ACOXL: variants seen among roughly 807,000 people sequenced by gnomAD.
ACOXL encodes acyl-CoA oxidase like, also known as acyl-coenzyme A oxidase-like protein.
A neutral mutation model predicts 71.9 loss-of-function variants in ACOXL; 70 were observed. That is an observed-to-expected ratio of 0.97 (90% confidence interval 0.80 to 1.19). The LOEUF is 1.19. ACOXL is among the 50% of genes most tolerant of loss of function. The pLI is 0.00. For synonymous variants in ACOXL, 253 were observed against 281.6 expected (o/e 0.90, Z 1.02); for missense variants, 703 against 736.3 (o/e 0.95, Z 0.52).
chr2:110,883,319 AGGCT>A, intron 10 of ACOXL, among the ~76,000 whole-genome samples: 1 of 152,076 alleles, frequency 6.6e-6, no homozygotes, highest in South Asian at 2.1e-4. Flanking sequence ...CATGTTGGCC[AGGCT>A]GGTCTCAAAC....
intron 2 of ACOXL, among the ~76,000 whole-genome samples, chr2:110,772,499 A>G (rs1214190779): frequency 1.3e-5 from 2 of 152,012 alleles, no homozygotes; most frequent in Non-Finnish European, 2.9e-5. Flanking sequence ...GCATCTCAAC[A>G]TTACCTTTCC....
chr2:110,793,672 T>G lies in ACOXL; in HGVS notation c.182T>G (p.Phe61Cys). 6.2e-7 allele frequency: 1 copy of G among 1,614,160 alleles called. No homozygotes were observed. Among genetic ancestry groups the G allele is most frequent in the Non-Finnish European group, 8.5e-7 (1 of 1,180,000 alleles). ...GVKCGIIYWL[F>C]GGAIRNLGSP... ...CAGTGCGGAATAATTTATTGGCTATTTGGTGGTGCTATCAGGAATCTCGGA... is the reference window on the plus strand; with the variant it reads ...CAGTGCGGAATAATTTATTGGCTATGTGGTGGTGCTATCAGGAATCTCGGA... The change falls in exon 4 of 18, where the codon TTT becomes TGT. Residue 61 changes from phenylalanine (F) to cysteine (C), a missense_variant. Coordinates refer to ENST00000439055, the MANE Select transcript of ACOXL (RefSeq NM_001142807.4).
chr2:111,018,735 C>T (rs2064594483), intron 14 of ACOXL, among the ~76,000 whole-genome samples: 2 of 151,350 alleles, frequency 1.3e-5, no homozygotes, highest in South Asian at 2.1e-4. Context: ...GGACTTGGGA[C>T]GCTGTGATGG....
In ACOXL at chr2:110,790,259, C is replaced by T. The variant is rs77838463; in HGVS notation, c.160-3391C>T. ...GGTGGGTTGAGGTGATACCAGCCTG[C>T]CTTCCCAGCTCTAACCCACCAGATT... On this transcript the variant is annotated intron_variant, in intron 3 of 17. Coordinates refer to ENST00000439055, the MANE Select transcript of ACOXL (RefSeq NM_001142807.4). Among the ~76,000 whole-genome samples the T allele has an allele frequency of 8.5e-3, 1,300 of 152,286 alleles. 23 individuals carry two copies. The highest frequency in any genetic ancestry group is 0.03 in the African/African-American group (1,238 of 41,554).
intron 10 of ACOXL, among the ~76,000 whole-genome samples, chr2:110,898,289 A>G (rs533906958): frequency 7.2e-5 from 11 of 152,186 alleles, no homozygotes; most frequent in Non-Finnish European, 1.6e-4. Flanking sequence ...AGAAAATATA[A>G]TAAAAGGAGA....
intron 8 of ACOXL, among the ~76,000 whole-genome samples, chr2:110,802,388 G>A (rs544523299): frequency 2.0e-5 from 3 of 152,280 alleles, no homozygotes; most frequent in South Asian, 2.1e-4. Flanking sequence ...TCTCAGCAGC[G>A]TTTCACGCAT....
In ACOXL at chr2:110,863,939, G is replaced by A. The variant is rs144235239; in HGVS notation, c.788+22534G>A. Among the ~76,000 whole-genome samples the A allele has an allele frequency of 9.7e-4, 148 of 152,158 alleles. 1 individual carries two copies. Among genetic ancestry groups the A allele is most frequent in the African/African-American group, 3.4e-3 (141 of 41,490 alleles). Reference sequence around the variant, plus strand: ...TGACTTGTGGGTGTGTTTCCCTGGGGGTGCACCTAGGCTAGAGCTTCTCCA... The same window carrying A: ...TGACTTGTGGGTGTGTTTCCCTGGGAGTGCACCTAGGCTAGAGCTTCTCCA... On this transcript the variant is annotated intron_variant, in intron 10 of 17. Transcript: ENST00000439055.
intron 1 of ACOXL, among the ~76,000 whole-genome samples, chr2:110,758,275 T>A (rs1267790144): frequency 6.6e-6 from 1 of 152,214 alleles, no homozygotes; most frequent in Non-Finnish European, 1.5e-5. Context: ...ACCAGTATCA[T>A]GCTGTTTTAG....
chr2:110,858,782 A>C lies in ACOXL; in HGVS notation c.788+17377A>C, dbSNP rs139420137. Among the ~76,000 whole-genome samples the C allele has an allele frequency of 2.3e-4, 35 of 152,382 alleles. No homozygotes were observed. The East Asian group carries it at 6.0e-3, about 26-fold the overall frequency. The stretch of plus-strand genomic sequence containing the variant: ...TATTTCTTTAAAATATCACGGTGCC[A>C]GGCAGAGTATATTTCCTTACACCTT... On this transcript the variant is annotated intron_variant, in intron 10 of 17. Coordinates refer to ENST00000439055, the MANE Select transcript of ACOXL (RefSeq NM_001142807.4).
chr2:110,880,829 A>G (rs1458492189), intron 10 of ACOXL, among the ~76,000 whole-genome samples: 2 of 152,138 alleles, frequency 1.3e-5, no homozygotes, highest in African/African-American at 2.4e-5. Context: ...AACAACAACA[A>G]CAAGACTCCA....
intron 12 of ACOXL, among the ~76,000 whole-genome samples, chr2:110,964,470 T>C (rs1170640381): frequency 1.3e-5 from 2 of 152,240 alleles, no homozygotes; most frequent in East Asian, 1.9e-4. Context: ...CATACAGTTA[T>C]GCATTGCTTA....
intron 9 of ACOXL, among the ~76,000 whole-genome samples, chr2:110,827,913 G>A (rs1470279814): frequency 6.6e-6 from 1 of 152,104 alleles, no homozygotes; most frequent in Non-Finnish European, 1.5e-5. Flanking sequence ...TCTTAACTGC[G>A]ATTTTTAATG....
chr2:111,047,824 T>C (rs572735673), intron 15 of ACOXL, among the ~76,000 whole-genome samples: 2 of 152,340 alleles, frequency 1.3e-5, no homozygotes, highest in East Asian at 1.9e-4. Context: ...GAAGGCAACA[T>C]TGATCTCTCT....
intron 10 of ACOXL, among the ~76,000 whole-genome samples, chr2:110,899,921 A>G (rs2059159812): frequency 6.6e-6 from 1 of 152,086 alleles, no homozygotes; most frequent in African/African-American, 2.4e-5. Flanking sequence ...CGCGGCTTCT[A>G]TGGCAACGCA....
At chr2:111,105,405 T>C (rs2069468297) in intron 17 of ACOXL, among the ~76,000 whole-genome samples, 1 of 152,096 alleles carries the variant, frequency 6.6e-6, no homozygotes, top group Non-Finnish European at 1.5e-5. Flanking sequence ...ATTAAACCTG[T>C]AAGTTAATTT....
chr2:110,995,935 T>C lies in ACOXL; in HGVS notation c.1212T>C (p.Phe404=). The part of the protein sequence containing the change: ...FNMDTVDDLA[F]LLKAVKFRER... Reference sequence around the variant, plus strand: ...TGGACACAGTTGATGATCTCGCCTTTCTGTTGAAAGCAGTGAAATTTCGTG... The same window carrying C: ...TGGACACAGTTGATGATCTCGCCTTCCTGTTGAAAGCAGTGAAATTTCGTG... The change falls in exon 14 of 18, where the codon TTT becomes TTC. Residue 404 remains phenylalanine, a synonymous_variant. Transcript: ENST00000439055. 1 of 1,609,976 alleles carries C rather than the reference T, an allele frequency of 6.2e-7. No individual in the cohort carries two copies. Among genetic ancestry groups the C allele is most frequent in the Non-Finnish European group, 8.5e-7 (1 of 1,179,920 alleles).
intron 2 of ACOXL, among the ~76,000 whole-genome samples, chr2:110,781,511 G>A (rs181878526): frequency 8.5e-4 from 129 of 151,952 alleles, no homozygotes; most frequent in African/African-American, 2.6e-3. Context: ...GCATGGTGGC[G>A]CGCACCTGTA....
chr2:110,967,818 GTC>G, intron 12 of ACOXL: 1 of 917,918 alleles, frequency 1.1e-6, no homozygotes, highest in Non-Finnish European at 1.7e-6. Flanking sequence ...ACGGATGTGG[GTC>G]TCTGTTTTGC....
At chr2:110,885,136 C>G (rs1303648354) in intron 10 of ACOXL, among the ~76,000 whole-genome samples, 1 of 151,986 alleles carries the variant, frequency 6.6e-6, no homozygotes, top group Non-Finnish European at 1.5e-5. Context: ...TTCTCCTTAC[C>G]CAAAACAACA....
Sources: allele counts gnomAD v4.1 joint callset (sites outside exome capture counted in the v4.1 genomes callset), GRCh38; gene constraint gnomAD v4.1.1; transcripts MANE v1.5; gene names NCBI Gene and HGNC (gene_info 2026-07-23, HGNC 2026-07-21).